Variants in CFAP300 observed in about 807,000 individuals in gnomAD.
CFAP300 encodes the protein cilia and flagella associated protein 300.
In CFAP300, 32 loss-of-function variants were observed where a neutral mutation model predicts 33.0. The observed-to-expected ratio is 0.97, with a 90% CI of 0.73 to 1.30. The LOEUF (loss-of-function observed/expected upper bound fraction) is 1.30, where lower values mean the gene tolerates loss of function less well. CFAP300 is among the 50% of genes most tolerant of loss of function. CFAP300 has a pLI of 0.00. For missense variants in CFAP300, 356 were observed against 318.1 expected (o/e 1.12, Z -0.90); for synonymous variants, 102 against 106.8 (o/e 0.95, Z 0.28).
At chr11:102,067,078 G>T (rs369264301) in intron 4 of CFAP300, among the ~76,000 whole-genome samples, 1 of 152,170 alleles carries the variant, frequency 6.6e-6, no homozygotes, top group African/African-American at 2.4e-5. Context: ...AGTAGCTCTC[G>T]CTTGTAATTC....
intron 5 of CFAP300, among the ~76,000 whole-genome samples, chr11:102,077,874 C>T (rs1396797339): frequency 6.6e-6 from 1 of 152,030 alleles, no homozygotes; most frequent in Non-Finnish European, 1.5e-5. Context: ...TGCACCTGGC[C>T]TATTTTATTT....
In CFAP300 at chr11:102,066,531, G is replaced by A. The variant is rs146654199; in HGVS notation, c.315G>A (p.Gln105=). The change falls in exon 4 of 7, where the codon CAG becomes CAA. Residue 105 remains glutamine (Q), a synonymous_variant. Coordinates refer to ENST00000434758, the MANE Select transcript of CFAP300 (RefSeq NM_032930.3). ...KIEAINVPCT[Q]LSMSFFHRLY... The stretch of plus-strand genomic sequence containing the variant: ...AAGCTATAAATGTTCCTTGCACACA[G>A]CTTTCAATGTCATTTTTTCATCGGT... The A allele has an allele frequency of 5.0e-6, 8 of 1,611,428 alleles. No homozygotes were observed. In the African/African-American group the frequency reaches 1.1e-4, roughly 22 times the overall value.
intron 2 of CFAP300, among the ~76,000 whole-genome samples, chr11:102,050,142 A>G (rs1232363157): frequency 6.6e-6 from 1 of 152,126 alleles, no homozygotes; most frequent in Non-Finnish European, 1.5e-5. Context: ...AAAAAAAATA[A>G]TTTCTCTATT....
At chr11:102,050,510 G>A (rs191086389) in intron 2 of CFAP300, among the ~76,000 whole-genome samples, 1 of 152,244 alleles carries the variant, frequency 6.6e-6, no homozygotes, top group African/African-American at 2.4e-5. Flanking sequence ...TGGATGGAAG[G>A]AAACATTTAT....
In CFAP300 at chr11:102,058,905, T is replaced by C; in HGVS notation, c.218T>C (p.Ile73Thr). 6.3e-7 allele frequency: 1 copy of C among 1,587,874 alleles called. No homozygotes were observed. Residue 73 changes from isoleucine (I) to threonine (T), a missense_variant, in exon 3 of 7, where the codon ATT (isoleucine) becomes ACT (threonine). By Grantham distance (89) the Ile-to-Thr change is moderately conservative. Coordinates refer to ENST00000434758, the MANE Select transcript of CFAP300 (RefSeq NM_032930.3). ...VMAFFKDPNVIPNLKLLSDSS... is the reference protein window; with the variant it reads ...VMAFFKDPNVTPNLKLLSDSS... ...GCTTTTTTCAAAGACCCAAATGTTA[T>C]TCCCAATTTGAAGTTACTTTCAGAT...
intron 2 of CFAP300, among the ~76,000 whole-genome samples, chr11:102,050,394 A>C (rs1233278547): frequency 6.6e-6 from 1 of 152,208 alleles, no homozygotes; most frequent in African/African-American, 2.4e-5. Flanking sequence ...ACAAAAACTC[A>C]CTACTGAACA....
At chr11:102,047,740 G>A in intron 1 of CFAP300, 75 bp from the exon 2 acceptor site, 2 of 1,546,852 alleles carry the variant, frequency 1.3e-6, no homozygotes, top group Non-Finnish European at 1.8e-6. Flanking sequence ...CGGATGCTGT[G>A]GGTGGGATCG....
chr11:102,073,402 G>A (rs1942343452), intron 4 of CFAP300, among the ~76,000 whole-genome samples: 1 of 152,178 alleles, frequency 6.6e-6, no homozygotes, highest in African/African-American at 2.4e-5. Flanking sequence ...CAGCAGTGGT[G>A]GAGGGGACGG....
At chr11:102,068,385 A>G (rs1942259527) in intron 4 of CFAP300, among the ~76,000 whole-genome samples, 1 of 152,232 alleles carries the variant, frequency 6.6e-6, no homozygotes. Context: ...TTAGTTAAAG[A>G]AGAAAATAAA....
In CFAP300 at chr11:102,058,892, G is replaced by T. The variant is rs905499590; in HGVS notation, c.205G>T (p.Asp69Tyr). 3 of 1,575,682 alleles carry T rather than the reference G, an allele frequency of 1.9e-6. No homozygotes were observed. Among genetic ancestry groups the T allele is most frequent in the Non-Finnish European group, 2.6e-6 (3 of 1,162,354 alleles). ...KDDFVMAFFKDPNVIPNLKLL... is the reference protein window; with the variant it reads ...KDDFVMAFFKYPNVIPNLKLL... ...ATTTGTATTTTAGGCTTTTTTCAAA[G>T]ACCCAAATGTTATTCCCAATTTGAA... Residue 69 changes from aspartate to tyrosine, a missense_variant, in exon 3 of 7, where the codon GAC becomes TAC. Asp to Tyr is a radical substitution (Grantham distance 160). Transcript: ENST00000434758.
At chr11:102,072,804 G>A (rs539994717) in intron 4 of CFAP300, among the ~76,000 whole-genome samples, 19 of 152,114 alleles carry the variant, frequency 1.2e-4, no homozygotes, top group Admixed American at 7.8e-4. Context: ...ACTTTTTCCC[G>A]AAGATGTACT....
intron 3 of CFAP300, among the ~76,000 whole-genome samples, chr11:102,060,340 C>T (rs868116927): frequency 1.3e-5 from 2 of 150,632 alleles, no homozygotes; most frequent in Admixed American, 6.6e-5. Context: ...TGGTCTCAAA[C>T]TCCTGGCCTC....
At chr11:102,049,043 AT>A (rs775078914) in intron 2 of CFAP300, among the ~76,000 whole-genome samples, 9 of 152,230 alleles carry the variant, frequency 5.9e-5, no homozygotes, top group Non-Finnish European at 1.2e-4. Context: ...ACTACAATAA[AT>A]GAAAAAACAA....
At chr11:102,056,314 T>C (rs1385193429) in intron 2 of CFAP300, among the ~76,000 whole-genome samples, 1 of 152,216 alleles carries the variant, frequency 6.6e-6, no homozygotes, top group East Asian at 1.9e-4. Flanking sequence ...CCACTGGTGG[T>C]TTCAGAATCC....
At chr11:102,069,091 C>T (rs1367119558) in intron 4 of CFAP300, among the ~76,000 whole-genome samples, 2 of 152,148 alleles carry the variant, frequency 1.3e-5, no homozygotes, top group Non-Finnish European at 2.9e-5. Context: ...TGCAAAACTG[C>T]TTGCTGTCTG....
intron 3 of CFAP300, among the ~76,000 whole-genome samples, chr11:102,061,110 G>GA (rs995535662): frequency 1.3e-5 from 2 of 151,982 alleles, no homozygotes; most frequent in South Asian, 4.1e-4. Flanking sequence ...ACTAATTTTT[G>GA]AAAAAATCAT....
intron 2 of CFAP300, among the ~76,000 whole-genome samples, chr11:102,054,009 G>A (rs771261986): frequency 2.0e-5 from 3 of 152,290 alleles, no homozygotes; most frequent in Non-Finnish European, 2.9e-5. Context: ...GTTTAGGAGA[G>A]CCTGATTGCT....
intron 5 of CFAP300, among the ~76,000 whole-genome samples, chr11:102,077,942 G>A (rs1381899707): frequency 6.6e-6 from 1 of 152,026 alleles, no homozygotes; most frequent in African/African-American, 2.4e-5. Context: ...CCAGGCTGAA[G>A]TACAGTGGCA....
At chr11:102,047,766 T>C (rs1051113249) in intron 1 of CFAP300, 49 bp from the exon 2 acceptor site, 1 of 1,597,452 alleles carries the variant, frequency 6.3e-7, no homozygotes, top group African/African-American at 1.3e-5. Context: ...CGGTGCGCTC[T>C]GAGAGGGTGC....
Sources: gnomAD v4.1 joint callset for allele counts (sites outside exome capture counted in the v4.1 genomes callset) on GRCh38, gnomAD v4.1.1 for gene constraint, MANE v1.5 for transcripts, NCBI Gene and HGNC (gene_info 2026-07-23, HGNC 2026-07-21) for gene names.